The following MCM9 variants were observed in gnomAD, a reference collection of about 807,000 sequenced individuals.
The protein encoded by MCM9 is DNA helicase MCM9.
MCM9 carries 55 observed loss-of-function variants against 72.8 expected under a neutral mutation model. The observed-to-expected ratio is 0.76, with a 90% CI of 0.61 to 0.95. The LOEUF (loss-of-function observed/expected upper bound fraction) is 0.95, where lower values mean the gene tolerates loss of function less well. MCM9 is among the 40% of genes least tolerant of loss of function. The probability of loss-of-function intolerance (pLI) is 0.00; values close to 1 mark genes in which losing one functional copy is unlikely to be tolerated. For synonymous variants in MCM9, 480 were observed against 503.4 expected, an observed-to-expected ratio of 0.95 and a Z score of 0.62; for missense variants, 1,279 against 1,377.0, an observed-to-expected ratio of 0.93 and a Z score of 1.13.
At chr6:118,910,749 C>T (rs1780483876) in intron 8 of MCM9, 4 of 985,430 alleles carry the variant, frequency 4.1e-6, no homozygotes, top group Non-Finnish European at 4.8e-6. Context: ...TTCCAAAAAT[C>T]CATTCTTGTC....
At chr6:118,820,495 G>T (rs888054796) in intron 13 of MCM9, among the ~76,000 whole-genome samples, 3 of 152,036 alleles carry the variant, frequency 2.0e-5, no homozygotes, top group Non-Finnish European at 2.9e-5. Context: ...AACTGTTTGT[G>T]ATGATTTCCA....
Position 118,815,113 on chromosome 6 carries a change from C to T in MCM9, c.3143G>A (p.Gly1048Asp), listed in dbSNP as rs1162550497. ...KEEVSGSNKS[G>D]KVHACTLARL... is the part of the protein sequence containing the mutation. ...GGCTAATGTGCAGGCATGAACCTTG[C>T]CGCTTTTATTACTGCCTGAAACCTC... is the stretch of plus-strand genomic sequence containing the variant. Residue 1048 changes from glycine to aspartate, a missense_variant, in exon 14 of 14, where the codon GGC (glycine) becomes GAC (aspartate). Transcript: ENST00000619706. The T allele has an allele frequency of 1.9e-6, 3 of 1,550,632 alleles. No homozygotes were observed. Among genetic ancestry groups the T allele is most frequent in the East Asian group, 2.4e-5 (1 of 40,890 alleles).
intron 6 of MCM9, among the ~76,000 whole-genome samples, chr6:118,915,074 T>C (rs901821442): frequency 6.6e-6 from 1 of 152,236 alleles, no homozygotes; most frequent in Non-Finnish European, 1.5e-5. Flanking sequence ...TGTGCATCTT[T>C]CTGATCTAAA....
intron 7 of MCM9, chr6:118,913,014 C>T: frequency 3.4e-6 from 1 of 290,016 alleles, no homozygotes; most frequent in Non-Finnish European, 6.4e-6. Flanking sequence ...ACAAAAAACA[C>T]AGTAATAGAA....
chr6:118,917,899 A>C, intron 5 of MCM9, 138 bp from the exon 6 acceptor site: 1 of 681,020 alleles, frequency 1.5e-6, no homozygotes, highest in Non-Finnish European at 2.5e-6. Flanking sequence ...CCAGAAAACA[A>C]TTCAGGGGCA....
At chr6:118,837,858 C>T (rs1025510959) in intron 9 of MCM9, among the ~76,000 whole-genome samples, 6 of 152,184 alleles carry the variant, frequency 3.9e-5, no homozygotes, top group African/African-American at 1.4e-4. Context: ...AGCCTGTTTA[C>T]ATTTAAGGTT....
At chr6:118,830,501 T>G (rs1774469006) in intron 9 of MCM9, among the ~76,000 whole-genome samples, 1 of 152,224 alleles carries the variant, frequency 6.6e-6, no homozygotes, top group African/African-American at 2.4e-5. Context: ...GTCCACATCT[T>G]ATAATTTATG....
intron 3 of MCM9, among the ~76,000 whole-genome samples, chr6:118,928,326 G>T (rs1447312473): frequency 6.6e-6 from 1 of 152,024 alleles, no homozygotes; most frequent in African/African-American, 2.4e-5. Context: ...CAGGAGAATC[G>T]CTTGAACCTG....
intron 8 of MCM9, among the ~76,000 whole-genome samples, chr6:118,868,286 A>G (rs1777356010): frequency 6.6e-6 from 1 of 152,232 alleles, no homozygotes; most frequent in South Asian, 2.1e-4. Flanking sequence ...AAAATACAAA[A>G]TGTGTGAGGA....
Position 118,829,206 on chromosome 6 carries a change from G to T in MCM9, c.1370C>A (p.Thr457Lys), listed in dbSNP as rs756308573. The T allele has an allele frequency of 1.3e-6, 2 of 1,550,658 alleles. No individual in the cohort carries two copies. The highest frequency in any genetic ancestry group is 1.7e-6 in the Non-Finnish European group (2 of 1,146,930). Residue 457 changes from threonine to lysine, a missense_variant, in exon 10 of 14, where the codon ACG becomes AAG. Coordinates refer to ENST00000619706, the MANE Select transcript of MCM9 (RefSeq NM_017696.3). ...GGGGTCGTACTGGCCTTTGGGGTTC[G>T]TTGCTGCCAGGATGGTGGTCCTTGT... Reference protein sequence around the residue: ...LNTRTTILAATNPKGQYDPQE... With the variant: ...LNTRTTILAAKNPKGQYDPQE...
At chr6:118,858,103 C>T (rs987117421) in intron 8 of MCM9, among the ~76,000 whole-genome samples, 10 of 151,946 alleles carry the variant, frequency 6.6e-5, no homozygotes, top group South Asian at 2.1e-4. Context: ...AATATGGATG[C>T]GAAAATCCTC....
At chr6:118,906,194 T>A (rs552458451) in intron 8 of MCM9, among the ~76,000 whole-genome samples, 2 of 152,302 alleles carry the variant, frequency 1.3e-5, no homozygotes, top group South Asian at 4.1e-4. Flanking sequence ...TGTCTCAGCC[T>A]CCCAAGTAGC....
chr6:118,825,662 G>C (rs1774120508), intron 13 of MCM9, among the ~76,000 whole-genome samples: 2 of 152,138 alleles, frequency 1.3e-5, no homozygotes, highest in Non-Finnish European at 2.9e-5. Context: ...CACATATTTC[G>C]GGAGTATGCG....
At chr6:118,929,170 A>C (rs1442053139) in intron 3 of MCM9, among the ~76,000 whole-genome samples, 1 of 152,166 alleles carries the variant, frequency 6.6e-6, no homozygotes, top group Non-Finnish European at 1.5e-5. Context: ...CAGTGAGACA[A>C]GATTGCATCA....
intron 8 of MCM9, among the ~76,000 whole-genome samples, chr6:118,883,069 C>CAG (rs1778393358): frequency 2.2e-5 from 1 of 46,160 alleles, no homozygotes; most frequent in Non-Finnish European, 4.8e-5. Context: ...CTCAAAGATG[C>CAG]AAAAAAAAAA....
chr6:118,816,878 C>T (rs1773443608), intron 13 of MCM9, among the ~76,000 whole-genome samples: 1 of 152,162 alleles, frequency 6.6e-6, no homozygotes, highest in African/African-American at 2.4e-5. Context: ...GCTCACACTG[C>T]CGCCTCCTGT....
intron 8 of MCM9, among the ~76,000 whole-genome samples, chr6:118,896,207 A>C (rs1047330428): frequency 1.3e-5 from 2 of 152,106 alleles, no homozygotes; most frequent in African/African-American, 2.4e-5. Flanking sequence ...CTCCTATGAT[A>C]CTACTATTAA....
In MCM9 at chr6:118,828,136, T is replaced by C. The variant is rs1484954508; in HGVS notation, c.1529-6A>G. On this transcript the variant is annotated splice_polypyrimidine_tract_variant and splice_region_variant and intron_variant, in intron 10 of 13. Coordinates refer to ENST00000619706, the MANE Select transcript of MCM9 (RefSeq NM_017696.3). ...CTCTGATTTGCTTGGGTAACCTGTA[T>C]GTATCAGGTGTTGGGTCAGTAAGTT... The C allele has an allele frequency of 1.9e-6, 3 of 1,547,380 alleles. No individual in the cohort carries two copies. The highest frequency in any genetic ancestry group is 1.2e-5 in the South Asian group (1 of 83,930).
chr6:118,901,091 G>A (rs528691523), intron 8 of MCM9: 40 of 474,786 alleles, frequency 8.4e-5, no homozygotes, highest in African/African-American at 7.8e-4. Flanking sequence ...AGATGTTAAT[G>A]TGACGTTTAC....
Sources: allele counts gnomAD v4.1 joint callset (sites outside exome capture counted in the v4.1 genomes callset), GRCh38; gene constraint gnomAD v4.1.1; transcripts MANE v1.5; gene names NCBI Gene and HGNC (gene_info 2026-07-23, HGNC 2026-07-21).